HTR2C: variants seen among roughly 807,000 people sequenced by gnomAD.
HTR2C encodes 5-hydroxytryptamine (serotonin) receptor 2C, G protein-coupled.
Under a neutral mutation model 21.0 loss-of-function variants are expected in HTR2C, and 5 were observed. The ratio of observed to expected loss-of-function variants is 0.24; its 90% CI spans 0.12 to 0.50. HTR2C has a LOEUF of 0.50. Among genes scored for constraint, HTR2C ranks in the 20% least tolerant of loss-of-function variants. The probability of loss-of-function intolerance (pLI) is 0.98; values close to 1 mark genes in which losing one functional copy is unlikely to be tolerated. For synonymous variants in HTR2C, 150 were observed against 145.3 expected (o/e 1.03, Z -0.23); for missense variants, 271 against 371.2 (o/e 0.73, Z 2.22).
At chrX:114,843,278 T>C (rs150401871) in intron 4 of HTR2C, among the ~76,000 whole-genome samples, 3,895 of 110,863 alleles carry the variant, frequency 0.035, 173 homozygotes, top group African/African-American at 0.12. Context: ...ATTAAAGGGA[T>C]AAAATTGTAA....
Position 114,712,339 on chromosome X carries a change from C to T in HTR2C, c.-79-14519C>T, listed in dbSNP as rs1602708401. On this transcript the variant is annotated intron_variant, in intron 2 of 5. Coordinates refer to ENST00000276198, the MANE Select transcript of HTR2C (RefSeq NM_000868.4). ...TGGTGATTTGCACCAAATACACTGT[C>T]TTTCATAAATTTCCTGAGCAAACAG... is the stretch of plus-strand genomic sequence containing the variant. Among the ~76,000 whole-genome samples, 3 of 111,825 alleles carry T rather than the reference C, an allele frequency of 2.7e-5. 1 individual carries two copies. The Admixed American group carries it at 2.9e-4, about 11-fold the overall frequency.
intron 5 of HTR2C, among the ~76,000 whole-genome samples, chrX:114,864,894 CT>C (rs1569500844): frequency 2.0e-5 from 1 of 50,144 alleles, no homozygotes; most frequent in Admixed American, 3.7e-4. Flanking sequence ...TTTTCTTTTT[CT>C]TTTTCTTTTT....
chrX:114,899,358 T>C (rs1203176401), intron 5 of HTR2C, among the ~76,000 whole-genome samples: 4 of 111,115 alleles, frequency 3.6e-5, no homozygotes, highest in African/African-American at 1.3e-4. Context: ...TTCCTAGTGG[T>C]ATGTACGGAC....
intron 4 of HTR2C, among the ~76,000 whole-genome samples, chrX:114,807,181 GTATATATACACCATA>G (rs200034100): frequency 0.28 from 60 of 213 alleles, 11 homozygotes; most frequent in Admixed American, 0.5. Flanking sequence ...TATACACCAT[GTATATATACACCATA>G]TATATATACA....
intron 2 of HTR2C, among the ~76,000 whole-genome samples, chrX:114,699,036 A>G (rs782716441): frequency 3.6e-5 from 4 of 111,856 alleles, no homozygotes; most frequent in African/African-American, 9.7e-5. Flanking sequence ...GGGAGTCTCT[A>G]TATATAGTAT....
chrX:114,888,237 C>T (rs188198386), intron 5 of HTR2C, among the ~76,000 whole-genome samples: 23 of 111,391 alleles, frequency 2.1e-4, no homozygotes, highest in Admixed American at 2.0e-3. Context: ...GAGTAGTAGT[C>T]CCAATCTAGA....
chrX:114,715,003 A>G (rs1419404071), intron 2 of HTR2C, among the ~76,000 whole-genome samples: 2 of 112,246 alleles, frequency 1.8e-5, no homozygotes, highest in African/African-American at 3.2e-5. Context: ...TGTATTCATG[A>G]CATATTTGAA....
intron 2 of HTR2C, among the ~76,000 whole-genome samples, chrX:114,722,997 C>A (rs1195094790): frequency 9.0e-6 from 1 of 111,177 alleles, no homozygotes; most frequent in Non-Finnish European, 1.9e-5. Flanking sequence ...GTGTCTCTGC[C>A]CAGCTTTGGT....
At chrX:114,631,260 C>T (rs1929610180) in intron 2 of HTR2C, among the ~76,000 whole-genome samples, 1 of 107,399 alleles carries the variant, frequency 9.3e-6, no homozygotes, top group African/African-American at 3.4e-5. Context: ...GAGCCGAGAT[C>T]GCGCCACTGC....
At chrX:114,787,045 C>T (rs2070182256) in intron 4 of HTR2C, among the ~76,000 whole-genome samples, 1 of 111,757 alleles carries the variant, frequency 8.9e-6, no homozygotes. Flanking sequence ...TTTTCGACAT[C>T]TGCCAAGAAA....
intron 2 of HTR2C, among the ~76,000 whole-genome samples, chrX:114,726,116 C>T (rs1464440326): frequency 8.9e-6 from 1 of 112,261 alleles, no homozygotes; most frequent in Non-Finnish European, 1.9e-5. Flanking sequence ...CCCCCAGCCT[C>T]ACTGCCACCT....
intron 2 of HTR2C, among the ~76,000 whole-genome samples, chrX:114,622,125 T>C (rs1332914395): frequency 8.9e-6 from 1 of 111,771 alleles, no homozygotes; most frequent in Non-Finnish European, 1.9e-5. Context: ...ATGTATCACA[T>C]AGCCGGACAG....
At chrX:114,803,822 A>C (rs1556447834) in intron 4 of HTR2C, among the ~76,000 whole-genome samples, 1 of 111,297 alleles carries the variant, frequency 9.0e-6, no homozygotes, top group Admixed American at 9.6e-5. Flanking sequence ...CTATGTCCTG[A>C]ATGGCTTAGA....
chrX:114,604,380 C>T (rs1468282053), intron 1 of HTR2C, among the ~76,000 whole-genome samples: 22 of 109,437 alleles, frequency 2.0e-4, no homozygotes, highest in Non-Finnish European at 3.8e-4. Flanking sequence ...GAAGCCTGGC[C>T]GTCAATACCC....
chrX:114,668,596 A>ATTT (rs1223994645), intron 2 of HTR2C, among the ~76,000 whole-genome samples: 33 of 111,480 alleles, frequency 3.0e-4, no homozygotes, highest in African/African-American at 1.1e-3. Context: ...AAAAATAGGT[A>ATTT]TTACAGTATG....
At position 114,750,005 on chromosome X, in the gene HTR2C, A is replaced by T. The variant is rs1485976348; in HGVS notation, c.349+18398A>T. Among the ~76,000 whole-genome samples, 4 of 111,817 alleles carry T rather than the reference A, an allele frequency of 3.6e-5. No individual in the cohort carries two copies. In the East Asian group the frequency reaches 1.1e-3, roughly 32 times the overall value. On this transcript the variant is annotated intron_variant, in intron 4 of 5. Coordinates refer to ENST00000276198, the MANE Select transcript of HTR2C (RefSeq NM_000868.4). ...GGTGATCATGAAGACTTGAACTTTT[A>T]AACATTCTTATTGGTTTAGGAGCTC...
At chrX:114,818,644 A>T (rs781889485) in intron 4 of HTR2C, among the ~76,000 whole-genome samples, 1 of 111,633 alleles carries the variant, frequency 9.0e-6, no homozygotes, top group Admixed American at 9.6e-5. Context: ...TCTAGGTCAG[A>T]GGTCAGCTAA....
At chrX:114,661,642 A>G (rs1930992667) in intron 2 of HTR2C, among the ~76,000 whole-genome samples, 1 of 110,253 alleles carries the variant, frequency 9.1e-6, no homozygotes, top group Non-Finnish European at 1.9e-5. Context: ...AAGTGCTGGG[A>G]TTACAGCCCT....
chrX:114,833,820 T>C (rs1300626829), intron 4 of HTR2C, among the ~76,000 whole-genome samples: 1 of 111,154 alleles, frequency 9.0e-6, no homozygotes, highest in Non-Finnish European at 1.9e-5. Context: ...TCTTTCCTGC[T>C]TTCTCTTGTG....
Sources: gnomAD v4.1 joint callset for allele counts (sites outside exome capture counted in the v4.1 genomes callset) on GRCh38, gnomAD v4.1.1 for gene constraint, MANE v1.5 for transcripts, NCBI Gene and HGNC (gene_info 2026-07-23, HGNC 2026-07-21) for gene names.